Variants in PIP5K1B observed in about 807,000 individuals in gnomAD.
The protein encoded by PIP5K1B is phosphatidylinositol 4-phosphate 5-kinase type-1 beta.
A neutral mutation model predicts 67.0 loss-of-function variants in PIP5K1B; 42 were observed. That is an observed-to-expected ratio of 0.63 (90% CI 0.49 to 0.81). PIP5K1B has a LOEUF of 0.81. Among genes scored for constraint, PIP5K1B ranks in the 30% least tolerant of loss-of-function variants. The pLI is 0.00. For missense variants in PIP5K1B, 459 were observed against 646.3 expected (o/e 0.71, Z 3.14); for synonymous variants, 214 against 231.4 (o/e 0.92, Z 0.68).
intron 5 of PIP5K1B, among the ~76,000 whole-genome samples, chr9:68,875,317 A>C (rs913810558): frequency 3.3e-5 from 5 of 150,972 alleles, no homozygotes; most frequent in East Asian, 1.9e-4. Flanking sequence ...AAAAAAAAAA[A>C]AAAAAAAAAC....
chr9:68,820,992 G>A (rs527774372), intron 3 of PIP5K1B, among the ~76,000 whole-genome samples: 3 of 152,256 alleles, frequency 2.0e-5, no homozygotes, highest in South Asian at 2.1e-4. Flanking sequence ...AAAAGGACAC[G>A]GTAAGCTGGG....
At chr9:68,891,015 A>G (rs1824753857) in intron 7 of PIP5K1B, among the ~76,000 whole-genome samples, 1 of 152,360 alleles carries the variant, frequency 6.6e-6, no homozygotes, top group African/African-American at 2.4e-5. Flanking sequence ...TGGGAGGCCA[A>G]GGTGGGTGGA....
intron 2 of PIP5K1B, chr9:68,780,079 G>GGCGGCA (rs1413275226): frequency 8.3e-6 from 11 of 1,324,478 alleles, no homozygotes; most frequent in African/African-American, 4.6e-5. Context: ...TCTCGGTGGC[G>GGCGGCA]GCGGCAGCGG....
In PIP5K1B at chr9:68,869,005, A is replaced by G. The variant is rs1392950232; in HGVS notation, c.200+5038A>G. On this transcript the variant is annotated intron_variant, in intron 5 of 15. Coordinates refer to ENST00000265382, the MANE Select transcript of PIP5K1B (RefSeq NM_003558.4). ...ATTATCCTAAATGATAAGCAAACATATATGTCAAAGATTCATATAAAATAT... is the reference window on the plus strand; with the variant it reads ...ATTATCCTAAATGATAAGCAAACATGTATGTCAAAGATTCATATAAAATAT... Among the ~76,000 whole-genome samples the G allele has an allele frequency of 3.9e-5, 6 of 152,232 alleles. No individual in the cohort carries two copies. The South Asian group carries it at 6.2e-4, about 16-fold the overall frequency.
chr9:68,832,345 C>G (rs910969049), intron 4 of PIP5K1B, among the ~76,000 whole-genome samples: 1 of 152,214 alleles, frequency 6.6e-6, no homozygotes, highest in Non-Finnish European at 1.5e-5. Flanking sequence ...AGAGTCACAA[C>G]TCAATAATAA....
At chr9:68,946,112 A>G (rs1158188300) in intron 14 of PIP5K1B, among the ~76,000 whole-genome samples, 2 of 152,242 alleles carry the variant, frequency 1.3e-5, no homozygotes, top group Non-Finnish European at 2.9e-5. Flanking sequence ...TGGGTTTAGA[A>G]AATCCTATAT....
chr9:68,991,399 G>A (rs2297231), intron 15 of PIP5K1B, 142 bp downstream of exon 15: 278,525 of 596,484 alleles, frequency 0.47, 68,062 homozygotes, highest in East Asian at 0.55. Context: ...TTCTGCAAAT[G>A]GTGCTTCTTT....
At chr9:68,847,413 T>G (rs969352078) in intron 4 of PIP5K1B, among the ~76,000 whole-genome samples, 30 of 101,644 alleles carry the variant, frequency 3.0e-4, no homozygotes, top group South Asian at 4.2e-4. Flanking sequence ...AGCAGTGGTT[T>G]TGTGTGTGTG....
chr9:68,960,959 C>T (rs1158275612), intron 14 of PIP5K1B, among the ~76,000 whole-genome samples: 1 of 152,110 alleles, frequency 6.6e-6, no homozygotes, highest in East Asian at 1.9e-4. Context: ...GCCTGTAATC[C>T]CAGCACTTTG....
At chr9:68,797,224 T>C (rs1303482807) in intron 2 of PIP5K1B, among the ~76,000 whole-genome samples, 2 of 152,168 alleles carry the variant, frequency 1.3e-5, no homozygotes, top group Non-Finnish European at 2.9e-5. Flanking sequence ...TATTTGTTGC[T>C]GTGTAAAAGA....
chr9:68,897,502 T>C (rs749620924), intron 8 of PIP5K1B, among the ~76,000 whole-genome samples: 83 of 152,142 alleles, frequency 5.5e-4, no homozygotes, highest in Non-Finnish European at 8.2e-4. Context: ...ATTTCTAGGA[T>C]AAGAGAACAA....
intron 2 of PIP5K1B, among the ~76,000 whole-genome samples, chr9:68,777,274 CAGTACA>C (rs1830962418): frequency 6.6e-6 from 1 of 152,150 alleles, no homozygotes; most frequent in African/African-American, 2.4e-5. Flanking sequence ...AGTACTTACT[CAGTACA>C]ATGTGCCAGG....
At chr9:68,851,399 C>T (rs938738831) in intron 4 of PIP5K1B, among the ~76,000 whole-genome samples, 2 of 152,190 alleles carry the variant, frequency 1.3e-5, no homozygotes, top group African/African-American at 4.8e-5. Context: ...ATGGAGTGTT[C>T]GTGCCAGCCT....
At chr9:68,792,414 A>G (rs148468938) in intron 2 of PIP5K1B, among the ~76,000 whole-genome samples, 5 of 152,286 alleles carry the variant, frequency 3.3e-5, no homozygotes, top group Non-Finnish European at 7.3e-5. Flanking sequence ...TTAGAAATTC[A>G]TTCAACAAGC....
At chr9:68,918,089 TTATTTA>T (rs1426717991) in intron 9 of PIP5K1B, among the ~76,000 whole-genome samples, 6 of 134,238 alleles carry the variant, frequency 4.5e-5, no homozygotes, top group Non-Finnish European at 8.4e-5. Flanking sequence ...TATTGTTTAT[TTATTTA>T]TTTTTTTTTT....
intron 2 of PIP5K1B, among the ~76,000 whole-genome samples, chr9:68,810,313 A>G: frequency 6.6e-6 from 1 of 152,252 alleles, no homozygotes; most frequent in East Asian, 1.9e-4. Flanking sequence ...AGAGGCACCA[A>G]AACAAAAGCA....
At chr9:68,738,783 T>C (rs1395578124) in intron 1 of PIP5K1B, among the ~76,000 whole-genome samples, 1 of 152,230 alleles carries the variant, frequency 6.6e-6, no homozygotes, top group African/African-American at 2.4e-5. Context: ...ATCTGCAAGT[T>C]CCTTCAGATC....
chr9:68,817,172 C>T (rs1214991186), intron 2 of PIP5K1B, among the ~76,000 whole-genome samples: 1 of 152,106 alleles, frequency 6.6e-6, no homozygotes, highest in Non-Finnish European at 1.5e-5. Flanking sequence ...TGAGAGAAGG[C>T]GAATTAAAAC....
intron 4 of PIP5K1B, among the ~76,000 whole-genome samples, chr9:68,844,195 A>G (rs569915349): frequency 6.6e-6 from 1 of 152,204 alleles, no homozygotes; most frequent in Non-Finnish European, 1.5e-5. Context: ...ATCTTCATTC[A>G]TTCAATATCA....
Sources: gnomAD v4.1 joint callset for allele counts (sites outside exome capture counted in the v4.1 genomes callset) on GRCh38, gnomAD v4.1.1 for gene constraint, MANE v1.5 for transcripts, NCBI Gene and HGNC (gene_info 2026-07-23, HGNC 2026-07-21) for gene names.